CACNA2D1: variants seen among roughly 807,000 people sequenced by gnomAD.
The protein encoded by CACNA2D1 is voltage-dependent calcium channel subunit alpha-2/delta-1.
In CACNA2D1, 53 loss-of-function variants were observed where a neutral mutation model predicts 171.5. The ratio of observed to expected loss-of-function variants is 0.31; its 90% CI spans 0.25 to 0.39. The LOEUF (loss-of-function observed/expected upper bound fraction) is 0.39. Among genes scored for constraint, CACNA2D1 ranks in the 10% least tolerant of loss-of-function variants. The pLI is 1.00. For missense variants in CACNA2D1, 903 were observed against 1,299.8 expected (o/e 0.69, Z 4.69); for synonymous variants, 442 against 443.1 (o/e 1.00, Z 0.03).
At chr7:82,055,903 T>C (rs1484393107) in intron 10 of CACNA2D1, among the ~76,000 whole-genome samples, 3 of 125,196 alleles carry the variant, frequency 2.4e-5, no homozygotes, top group Admixed American at 9.3e-5. Flanking sequence ...CCCTAGAAGT[T>C]AAAGTATAAT....
At chr7:81,984,994 C>T (rs1219147377) in intron 21 of CACNA2D1, among the ~76,000 whole-genome samples, 1 of 151,842 alleles carries the variant, frequency 6.6e-6, no homozygotes, top group African/African-American at 2.4e-5. Context: ...GTGTCATGGC[C>T]CCCTACTATG....
chr7:82,390,295 G>C (rs541675459), intron 1 of CACNA2D1, among the ~76,000 whole-genome samples: 1 of 152,184 alleles, frequency 6.6e-6, no homozygotes, highest in Non-Finnish European at 1.5e-5. Flanking sequence ...AAAAACCTCT[G>C]ACGTGATCAT....
At chr7:82,040,374 A>T (rs1049038493) in intron 10 of CACNA2D1, among the ~76,000 whole-genome samples, 4 of 150,010 alleles carry the variant, frequency 2.7e-5, no homozygotes, top group Non-Finnish European at 5.9e-5. Context: ...TACATGTGAG[A>T]TATGCAAGTG....
intron 3 of CACNA2D1, among the ~76,000 whole-genome samples, chr7:82,224,272 A>T (rs1054223661): frequency 6.6e-6 from 1 of 152,158 alleles, no homozygotes; most frequent in East Asian, 1.9e-4. Context: ...ATTTTTCTTT[A>T]TCAGAAACTT....
At chr7:81,963,941 A>C in intron 34 of CACNA2D1, 115 bp downstream of exon 34, 1 of 821,514 alleles carries the variant, frequency 1.2e-6, no homozygotes, top group South Asian at 1.5e-5. Context: ...AATGAAAACA[A>C]CTTAACTCCC....
At chr7:82,101,099 ATTTAT>A (rs1301489970) in intron 6 of CACNA2D1, among the ~76,000 whole-genome samples, 3 of 152,146 alleles carry the variant, frequency 2.0e-5, no homozygotes, top group Non-Finnish European at 4.4e-5. Context: ...GAGGATTCTT[ATTTAT>A]ATAAGATATT....
chr7:82,041,296 G>A (rs1341692559), intron 10 of CACNA2D1, among the ~76,000 whole-genome samples: 3 of 152,134 alleles, frequency 2.0e-5, no homozygotes, highest in Non-Finnish European at 2.9e-5. Flanking sequence ...TCGTCGAAAG[G>A]TAGGGACAGA....
intron 2 of CACNA2D1, among the ~76,000 whole-genome samples, chr7:82,341,740 G>A (rs1374897640): frequency 1.3e-5 from 2 of 152,124 alleles, no homozygotes; most frequent in Non-Finnish European, 2.9e-5. Flanking sequence ...GCATGACACT[G>A]TATTAATGTC....
chr7:82,053,938 C>A (rs1429151256), intron 10 of CACNA2D1, among the ~76,000 whole-genome samples: 1 of 152,194 alleles, frequency 6.6e-6, no homozygotes, highest in Non-Finnish European at 1.5e-5. Context: ...TTACAAAGAG[C>A]TGTCAGTGCA....
chr7:82,061,592 G>A (rs1187611065), intron 9 of CACNA2D1, among the ~76,000 whole-genome samples: 1 of 152,086 alleles, frequency 6.6e-6, no homozygotes, highest in Non-Finnish European at 1.5e-5. Context: ...CCACCCAACA[G>A]GTTCTTCCTG....
chr7:82,291,151 T>TAATTCTATATCGATATAGAATTAG (rs1811490168), intron 3 of CACNA2D1, among the ~76,000 whole-genome samples: 1 of 130,734 alleles, frequency 7.6e-6, no homozygotes, highest in African/African-American at 3.5e-5. Flanking sequence ...CTTGTACATA[T>TAATTCTATATCGATATAGAATTAG]AATTCTATAT....
At chr7:81,973,016 C>A (rs572924486) in intron 25 of CACNA2D1, among the ~76,000 whole-genome samples, 1 of 151,956 alleles carries the variant, frequency 6.6e-6, no homozygotes, top group East Asian at 1.9e-4. Flanking sequence ...TTCTAATTGC[C>A]TCCAATCCCT....
intron 3 of CACNA2D1, among the ~76,000 whole-genome samples, chr7:82,259,219 G>GATAA (rs1443472766): frequency 1.2e-5 from 1 of 83,370 alleles, no homozygotes; most frequent in African/African-American, 8.0e-5. Context: ...ACAGATGAGA[G>GATAA]ATAAATAGAC....
At chr7:82,006,415 G>C (rs1384244410) in intron 16 of CACNA2D1, among the ~76,000 whole-genome samples, 1 of 152,026 alleles carries the variant, frequency 6.6e-6, no homozygotes, top group African/African-American at 2.4e-5. Context: ...AGTTTTAGGT[G>C]CAAGTAGAGG....
intron 26 of CACNA2D1, among the ~76,000 whole-genome samples, chr7:81,971,258 C>T (rs1795237595): frequency 6.6e-6 from 1 of 151,370 alleles, no homozygotes; most frequent in African/African-American, 2.4e-5. Flanking sequence ...CTAGAAGCTG[C>T]ATGTGGAGGA....
intron 3 of CACNA2D1, among the ~76,000 whole-genome samples, chr7:82,201,554 G>T (rs1031598163): frequency 1.3e-5 from 2 of 152,088 alleles, no homozygotes; most frequent in Non-Finnish European, 2.9e-5. Context: ...GATTATTCAG[G>T]TCCCCTTTAC....
intron 24 of CACNA2D1, among the ~76,000 whole-genome samples, chr7:81,978,157 A>C (rs1796048838): frequency 6.6e-6 from 1 of 152,210 alleles, no homozygotes; most frequent in African/African-American, 2.4e-5. Context: ...AATTGGTTCA[A>C]CCATTGTGGA....
At chr7:82,440,644 A>G (rs1830430547) in intron 1 of CACNA2D1, among the ~76,000 whole-genome samples, 1 of 151,820 alleles carries the variant, frequency 6.6e-6, no homozygotes, top group African/African-American at 2.4e-5. Flanking sequence ...AAAAACATCT[A>G]TTTTAGTGTT....
At chr7:82,078,410 C>A (rs7807389) in intron 7 of CACNA2D1, among the ~76,000 whole-genome samples, 61,451 of 151,922 alleles carry the variant, frequency 0.4, 13,148 homozygotes, top group Middle Eastern at 0.56. Flanking sequence ...GGTGAAATGA[C>A]CAGTTTGTAC....
Sources: gnomAD v4.1 joint callset for allele counts (sites outside exome capture counted in the v4.1 genomes callset) on GRCh38, gnomAD v4.1.1 for gene constraint, MANE v1.5 for transcripts, NCBI Gene and HGNC (gene_info 2026-07-23, HGNC 2026-07-21) for gene names.